GABRB1: variants seen among roughly 807,000 people sequenced by gnomAD.
GABRB1 encodes gamma-aminobutyric acid receptor subunit beta-1.
In GABRB1, 17 loss-of-function variants were observed where a neutral mutation model predicts 51.6. The ratio of observed to expected loss-of-function variants is 0.33; its 90% confidence interval spans 0.23 to 0.49. GABRB1 has a LOEUF of 0.49. GABRB1 is among the 20% of genes least tolerant of loss of function. The pLI is 0.99. For missense variants in GABRB1, 410 were observed against 600.6 expected (o/e 0.68, Z 3.32); for synonymous variants, 247 against 218.9 (o/e 1.13, Z -1.14).
intron 3 of GABRB1, among the ~76,000 whole-genome samples, chr4:47,037,627 T>G (rs188016840): frequency 1.3e-5 from 2 of 152,010 alleles, no homozygotes; most frequent in African/African-American, 4.8e-5. Flanking sequence ...GAGTTTACAT[T>G]TGAAAGCCTG....
chr4:47,039,781 G>C (rs148851315), intron 3 of GABRB1, among the ~76,000 whole-genome samples: 132 of 152,308 alleles, frequency 8.7e-4, no homozygotes, highest in African/African-American at 2.9e-3. Context: ...ACAGCATGAA[G>C]TGTTCTGGGA....
chr4:47,056,521 C>G (rs146917673), intron 3 of GABRB1, among the ~76,000 whole-genome samples: 4 of 152,210 alleles, frequency 2.6e-5, no homozygotes, highest in African/African-American at 9.6e-5. Context: ...GTTTTTTTCT[C>G]TACCTTAATC....
At chr4:47,424,885 G>A (rs1729217763) in intron 8 of GABRB1, among the ~76,000 whole-genome samples, 1 of 152,194 alleles carries the variant, frequency 6.6e-6, no homozygotes, top group African/African-American at 2.4e-5. Context: ...GGTATCACTG[G>A]AACTACAGGA....
chr4:47,332,086 A>G (rs192700568), intron 5 of GABRB1, among the ~76,000 whole-genome samples: 31 of 152,344 alleles, frequency 2.0e-4, no homozygotes, highest in African/African-American at 7.2e-4. Context: ...CTTCTCTCTC[A>G]CCGAATCTGT....
At chr4:47,335,114 A>G (rs1158614861) in intron 5 of GABRB1, among the ~76,000 whole-genome samples, 1 of 152,128 alleles carries the variant, frequency 6.6e-6, no homozygotes, top group African/African-American at 2.4e-5. Flanking sequence ...TTTACTAGGA[A>G]TCAGTAATCG....
At chr4:47,286,282 T>C (rs1197909749) in intron 4 of GABRB1, among the ~76,000 whole-genome samples, 1 of 152,188 alleles carries the variant, frequency 6.6e-6, no homozygotes, top group Non-Finnish European at 1.5e-5. Context: ...TCACTTTGAG[T>C]AGGTTGAAGT....
chr4:47,118,007 C>G (rs1209770220), intron 3 of GABRB1, among the ~76,000 whole-genome samples: 1 of 152,120 alleles, frequency 6.6e-6, no homozygotes, highest in Non-Finnish European at 1.5e-5. Context: ...TCTGTATATT[C>G]AGCACCCAAA....
intron 1 of GABRB1, among the ~76,000 whole-genome samples, chr4:47,007,895 A>ATATATATATATATATATATATATATATAG (rs375965914): frequency 1.1e-4 from 2 of 17,522 alleles, no homozygotes; most frequent in Non-Finnish European, 3.5e-4. Context: ...TATATATATA[A>ATATATATATATATATATATATATATATAG]AATCAAGTTT....
intron 1 of GABRB1, among the ~76,000 whole-genome samples, chr4:46,996,484 T>A (rs892387071): frequency 2.0e-5 from 3 of 152,196 alleles, no homozygotes; most frequent in Admixed American, 6.5e-5. Context: ...TGAAATGCCC[T>A]GGAAATGAAC....
chr4:47,422,580 T>C (rs981950397), intron 8 of GABRB1, among the ~76,000 whole-genome samples: 2 of 152,194 alleles, frequency 1.3e-5, no homozygotes, highest in Non-Finnish European at 2.9e-5. Flanking sequence ...TTCTCCCTCC[T>C]TGAGTTTCTC....
At chr4:47,393,765 G>A (rs1578142376) in intron 5 of GABRB1, among the ~76,000 whole-genome samples, 1 of 152,200 alleles carries the variant, frequency 6.6e-6, no homozygotes, top group South Asian at 2.1e-4. Flanking sequence ...CCTCTAAGAA[G>A]TTTAACTCCC....
chr4:47,307,760 T>C (rs1252362718), intron 4 of GABRB1, among the ~76,000 whole-genome samples: 1 of 152,008 alleles, frequency 6.6e-6, no homozygotes, highest in Non-Finnish European at 1.5e-5. Flanking sequence ...TAAGTTGATA[T>C]ATTGATATAT....
chr4:47,416,473 CAG>C (rs1728923669), intron 8 of GABRB1, among the ~76,000 whole-genome samples: 1 of 145,712 alleles, frequency 6.9e-6, no homozygotes, highest in African/African-American at 2.6e-5. Context: ...TTTTTTGAGA[CAG>C]AGTCTCCCTC....
chr4:47,043,644 G>A (rs1688902459), intron 3 of GABRB1, among the ~76,000 whole-genome samples: 1 of 152,040 alleles, frequency 6.6e-6, no homozygotes, highest in African/African-American at 2.4e-5. Context: ...TAAAGCAATT[G>A]CCTTTATTCT....
chr4:47,015,640 C>T (rs1724720923), intron 1 of GABRB1, among the ~76,000 whole-genome samples: 1 of 151,924 alleles, frequency 6.6e-6, no homozygotes, highest in Non-Finnish European at 1.5e-5. Context: ...GGTTTCAAAG[C>T]AATAATTGGA....
At chr4:47,058,656 G>A (rs1726720952) in intron 3 of GABRB1, among the ~76,000 whole-genome samples, 1 of 152,118 alleles carries the variant, frequency 6.6e-6, no homozygotes, top group South Asian at 2.1e-4. Context: ...GGGAGCTGTT[G>A]GTGGACCTTG....
chr4:47,312,901 G>A (rs190401587), intron 4 of GABRB1, among the ~76,000 whole-genome samples: 8 of 152,096 alleles, frequency 5.3e-5, no homozygotes, highest in African/African-American at 1.9e-4. Flanking sequence ...GATACTTATG[G>A]GCCAGGGCTT....
At chr4:47,146,312 C>G (rs945360663) in intron 3 of GABRB1, among the ~76,000 whole-genome samples, 4 of 151,844 alleles carry the variant, frequency 2.6e-5, no homozygotes, top group Non-Finnish European at 5.9e-5. Flanking sequence ...TTTTCCCCCT[C>G]TCTCTCCCCC....
Position 47,043,841 on chromosome 4 carries a change from T to G in GABRB1, c.240+11357T>G, listed in dbSNP as rs530426735. Among the ~76,000 whole-genome samples the G allele has an allele frequency of 1.6e-3, 244 of 152,218 alleles. 4 individuals carry two copies. The highest frequency in any genetic ancestry group is 5.7e-3 in the African/African-American group (237 of 41,556). On this transcript the variant is annotated intron_variant, in intron 3 of 8. Coordinates refer to ENST00000295454, the MANE Select transcript of GABRB1 (RefSeq NM_000812.4). ...TATTCAGCTTTGATTCCTGCAGAAA[T>G]GTAGCTAACCTTGAGAGAGGAAAAC...
Sources: gnomAD v4.1 joint callset for allele counts (sites outside exome capture counted in the v4.1 genomes callset) on GRCh38, gnomAD v4.1.1 for gene constraint, MANE v1.5 for transcripts, NCBI Gene and HGNC (gene_info 2026-07-23, HGNC 2026-07-21) for gene names.